Variants in AGBL1 observed in about 807,000 individuals in gnomAD.
The protein encoded by AGBL1 is cytosolic carboxypeptidase 4.
A neutral mutation model predicts 118.9 loss-of-function variants in AGBL1; 130 were observed. The ratio of observed to expected loss-of-function variants is 1.09; its 90% CI spans 0.95 to 1.26. The LOEUF (loss-of-function observed/expected upper bound fraction) is 1.26. AGBL1 is among the 50% of genes most tolerant of loss of function. The pLI, the probability that AGBL1 is intolerant of heterozygous loss-of-function variation, is 0.00. For missense variants in AGBL1, 1,584 were observed against 1,298.1 expected (o/e 1.22, Z -3.38); for synonymous variants, 555 against 478.9 (o/e 1.16, Z -2.08).
chr15:86,610,020 A>C lies in AGBL1; in HGVS notation c.2994+55483A>C, dbSNP rs186822731. Among the ~76,000 whole-genome samples, 218 of 152,308 alleles carry C rather than the reference A, an allele frequency of 1.4e-3. 1 individual carries two copies. The South Asian group carries it at 0.018, about 13-fold the overall frequency. On this transcript the variant is annotated intron_variant, in intron 21 of 22. Coordinates refer to ENST00000614907, the MANE Select transcript of AGBL1 (RefSeq NM_001386094.1). ...AATAAGTAGCAGAGCTATGCATCCA[A>C]AAAGACTACATGTCCCCCCCATCTC...
Position 86,481,692 on chromosome 15 carries a change from T to A in AGBL1, c.2556-41118T>A, listed in dbSNP as rs988534006. Among the ~76,000 whole-genome samples, 4 of 152,148 alleles carry A rather than the reference T, an allele frequency of 2.6e-5. No homozygotes were observed. In the South Asian group the frequency reaches 6.2e-4, roughly 24 times the overall value. ...TCATTGATTATTTATTCAGTATTAA[T>A]TCCTATAATGGAATGGTAACTCAGA... On this transcript the variant is annotated intron_variant, in intron 18 of 22. Transcript: ENST00000614907.
chr15:86,561,655 A>G (rs946171544), intron 21 of AGBL1, among the ~76,000 whole-genome samples: 5 of 152,172 alleles, frequency 3.3e-5, no homozygotes, highest in African/African-American at 7.2e-5. Context: ...TTGGTGCTAT[A>G]TGAACTTTAA....
rs896719402 is a variant in AGBL1, at chr15:86,332,026, A to G, written c.2374+36618A>G. On this transcript the variant is annotated intron_variant, in intron 17 of 22. Coordinates refer to ENST00000614907, the MANE Select transcript of AGBL1 (RefSeq NM_001386094.1). ...CCCATCCATCTGCTGTTTTCAAGAG[A>G]CTCATCTCACACATAATGACATCCA... 4.6e-5 allele frequency among the ~76,000 whole-genome samples: 7 copies of G among 152,244 alleles called. No homozygotes were observed. In the East Asian group the frequency reaches 1.4e-3, roughly 29 times the overall value.
At chr15:86,828,521 A>G (rs1478605086) in intron 22 of AGBL1, among the ~76,000 whole-genome samples, 1 of 152,102 alleles carries the variant, frequency 6.6e-6, no homozygotes, top group Non-Finnish European at 1.5e-5. Flanking sequence ...GAGAGACTGT[A>G]GAGATGCACT....
At chr15:86,877,417 C>T (rs1354046215) in intron 22 of AGBL1, among the ~76,000 whole-genome samples, 1 of 152,150 alleles carries the variant, frequency 6.6e-6, no homozygotes, top group Non-Finnish European at 1.5e-5. Flanking sequence ...GGCAGATAAC[C>T]ATCTCTTCTG....
chr15:86,644,557 TG>T (rs1482500699), intron 21 of AGBL1, among the ~76,000 whole-genome samples: 1 of 151,896 alleles, frequency 6.6e-6, no homozygotes, highest in African/African-American at 2.4e-5. Context: ...TAATGTCTCA[TG>T]TCTGGCATCT....
intron 24 of AGBL1, among the ~76,000 whole-genome samples, chr15:87,014,982 T>C (rs957780630): frequency 2.0e-5 from 3 of 151,994 alleles, no homozygotes; most frequent in African/African-American, 7.3e-5. Flanking sequence ...GTGGACTGAG[T>C]GGTGAAGATT....
intron 1 of AGBL1, among the ~76,000 whole-genome samples, chr15:86,101,780 TTCTA>T (rs1896737389): frequency 6.6e-6 from 1 of 152,160 alleles, no homozygotes; most frequent in Non-Finnish European, 1.5e-5. Flanking sequence ...TGAGATGAAT[TTCTA>T]GTAGGCAGCA....
intron 21 of AGBL1, among the ~76,000 whole-genome samples, chr15:86,561,562 T>C (rs1426913576): frequency 6.6e-6 from 1 of 152,194 alleles, no homozygotes; most frequent in African/African-American, 2.4e-5. Flanking sequence ...TGTAGCCTTG[T>C]AGTATAGTTT....
At chr15:86,711,690 C>A (rs139267052) in intron 22 of AGBL1, among the ~76,000 whole-genome samples, 1 of 152,116 alleles carries the variant, frequency 6.6e-6, no homozygotes, top group Admixed American at 6.6e-5. Context: ...AGCCTATGAC[C>A]TGTTTTGAAT....
intron 18 of AGBL1, among the ~76,000 whole-genome samples, chr15:86,516,667 G>A (rs1199312464): frequency 2.6e-5 from 4 of 152,066 alleles, no homozygotes; most frequent in East Asian, 1.9e-4. Flanking sequence ...TGGGCGTGGC[G>A]GCACATGCCT....
intron 18 of AGBL1, among the ~76,000 whole-genome samples, chr15:86,469,606 G>T (rs2082452792): frequency 6.6e-6 from 1 of 152,134 alleles, no homozygotes; most frequent in Non-Finnish European, 1.5e-5. Flanking sequence ...CCAGAAGGGG[G>T]ATTGCTGGAT....
chr15:86,756,545 A>C (rs548901222), intron 22 of AGBL1, among the ~76,000 whole-genome samples: 1 of 152,228 alleles, frequency 6.6e-6, no homozygotes, highest in East Asian at 1.9e-4. Flanking sequence ...TGTGGAAAGA[A>C]TTTAACCTAG....
chr15:86,722,295 G>T (rs2086736394), intron 22 of AGBL1, among the ~76,000 whole-genome samples: 1 of 152,230 alleles, frequency 6.6e-6, no homozygotes, highest in African/African-American at 2.4e-5. Context: ...CATGGTACTG[G>T]TACCAAAACA....
At chr15:86,665,018 G>T (rs1433914895) in intron 21 of AGBL1, among the ~76,000 whole-genome samples, 1 of 152,042 alleles carries the variant, frequency 6.6e-6, no homozygotes, top group Non-Finnish European at 1.5e-5. Flanking sequence ...TTTCTAACCA[G>T]TTAACATTTT....
intron 22 of AGBL1, among the ~76,000 whole-genome samples, chr15:86,858,077 C>A (rs1475550479): frequency 6.6e-6 from 1 of 152,178 alleles, no homozygotes; most frequent in Admixed American, 6.5e-5. Context: ...ACAGGCTAAG[C>A]TCCCCTGATA....
At position 86,180,029 on chromosome 15, in the gene AGBL1, A is replaced by G. The variant is rs149132944; in HGVS notation, c.488+21003A>G. 2.6e-3 allele frequency among the ~76,000 whole-genome samples: 396 copies of G among 149,786 alleles called. 1 individual carries two copies. The highest frequency in any genetic ancestry group is 4.0e-3 in the Non-Finnish European group (265 of 66,832). ...CCTGTACACTGCAAGCTACAAAACA[A>G]TGTTGAAACAAATGAAAGAAGACAT... On this transcript the variant is annotated intron_variant, in intron 5 of 22. Transcript: ENST00000614907.
chr15:86,143,319 G>A (rs2076988634), intron 2 of AGBL1, among the ~76,000 whole-genome samples: 1 of 152,160 alleles, frequency 6.6e-6, no homozygotes, highest in Non-Finnish European at 1.5e-5. Context: ...AGATTCAAAT[G>A]TATAGCAGAG....
chr15:86,954,201 T>C (rs796574981), intron 23 of AGBL1, among the ~76,000 whole-genome samples: 1 of 152,212 alleles, frequency 6.6e-6, no homozygotes, highest in Non-Finnish European at 1.5e-5. Context: ...TTGGTAAGGA[T>C]GGAAATTAGT....
Sources: allele counts gnomAD v4.1 joint callset (sites outside exome capture counted in the v4.1 genomes callset), GRCh38; gene constraint gnomAD v4.1.1; transcripts MANE v1.5; gene names NCBI Gene and HGNC (gene_info 2026-07-23, HGNC 2026-07-21).